Variants in NEK11 observed in about 807,000 individuals in gnomAD.
NEK11 encodes serine/threonine-protein kinase Nek11.
Under a neutral mutation model 80.7 loss-of-function variants are expected in NEK11, and 72 were observed. The ratio of observed to expected loss-of-function variants is 0.89; its 90% CI spans 0.74 to 1.08. The LOEUF is 1.08. NEK11 is among the 50% of genes least tolerant of loss of function. The pLI is 0.00. For missense variants in NEK11, 764 were observed against 763.6 expected (o/e 1.00, Z -0.01); for synonymous variants, 251 against 260.7 (o/e 0.96, Z 0.36).
chr3:131,140,046 C>G (rs767483507), intron 7 of NEK11, among the ~76,000 whole-genome samples: 2 of 152,174 alleles, frequency 1.3e-5, no homozygotes, highest in Admixed American at 1.3e-4. Flanking sequence ...CATAACATAT[C>G]ACTTCTCACA....
intron 15 of NEK11, among the ~76,000 whole-genome samples, chr3:131,231,145 ATGGTGGTATT>A: frequency 6.6e-6 from 1 of 151,892 alleles, no homozygotes; most frequent in South Asian, 2.1e-4. Context: ...TCTCACATAC[ATGGTGGTATT>A]TTGTCTCACA....
intron 5 of NEK11, among the ~76,000 whole-genome samples, chr3:131,115,926 CTTT>C (rs2149400929): frequency 1.9e-5 from 2 of 105,746 alleles, no homozygotes; most frequent in East Asian, 5.4e-4. Flanking sequence ...TTCTTTCTTT[CTTT>C]CTTTCTTTCT....
At chr3:131,046,818 C>T (rs2109873484) in intron 3 of NEK11, among the ~76,000 whole-genome samples, 1 of 152,224 alleles carries the variant, frequency 6.6e-6, no homozygotes, top group East Asian at 1.9e-4. Context: ...CTTTGAGCTT[C>T]TCGTATTTGG....
intron 3 of NEK11, among the ~76,000 whole-genome samples, chr3:131,052,134 G>GTTTTTTTTTT (rs34528776): frequency 5.5e-4 from 70 of 127,144 alleles, no homozygotes; most frequent in Non-Finnish European, 7.8e-4. Context: ...GGTTTTTTTT[G>GTTTTTTTTTT]TTTTTTTTTT....
intron 16 of NEK11, among the ~76,000 whole-genome samples, chr3:131,266,438 T>C (rs949078028): frequency 1.3e-5 from 2 of 152,238 alleles, no homozygotes; most frequent in African/African-American, 4.8e-5. Flanking sequence ...AAAGAACTTA[T>C]TTATTTCCGC....
chr3:131,082,263 T>C lies in NEK11; in HGVS notation c.336+1675T>C, dbSNP rs181521673. On this transcript the variant is annotated intron_variant, in intron 4 of 17. Coordinates refer to ENST00000383366, the MANE Select transcript of NEK11 (RefSeq NM_024800.5). ...ACTTGCATATGCATATGTTGCATAC[T>C]ATGATCCACCTGCTATAATTTGTTC... Among the ~76,000 whole-genome samples the C allele has an allele frequency of 2.6e-4, 40 of 152,356 alleles. No individual in the cohort carries two copies. The East Asian group carries it at 7.1e-3, about 27-fold the overall frequency.
chr3:131,054,061 C>G (rs890293031), intron 3 of NEK11, among the ~76,000 whole-genome samples: 1 of 152,154 alleles, frequency 6.6e-6, no homozygotes, highest in African/African-American at 2.4e-5. Flanking sequence ...TATTAAGAGT[C>G]AACATTTGGC....
intron 3 of NEK11, among the ~76,000 whole-genome samples, chr3:131,068,409 C>T (rs1472528009): frequency 2.6e-5 from 4 of 152,168 alleles, no homozygotes; most frequent in Non-Finnish European, 5.9e-5. Context: ...GACCCTGTGT[C>T]CCTTCTTTGT....
chr3:131,242,413 CA>C, intron 15 of NEK11, among the ~76,000 whole-genome samples: 1 of 152,120 alleles, frequency 6.6e-6, no homozygotes, highest in East Asian at 1.9e-4. Context: ...TGGCATCTAG[CA>C]AGATGCAGTT....
At chr3:131,058,574 G>A (rs953297867) in intron 3 of NEK11, among the ~76,000 whole-genome samples, 4 of 152,080 alleles carry the variant, frequency 2.6e-5, no homozygotes, top group Non-Finnish European at 5.9e-5. Flanking sequence ...TCTAGATACT[G>A]CATGTCATTG....
chr3:131,042,767 G>C (rs895438272), intron 3 of NEK11, among the ~76,000 whole-genome samples: 7 of 152,184 alleles, frequency 4.6e-5, no homozygotes, highest in African/African-American at 1.7e-4. Context: ...TCTGCTAAGG[G>C]ACAGACTGCC....
chr3:131,272,539 G>A (rs117243308), intron 16 of NEK11, among the ~76,000 whole-genome samples: 2,635 of 135,144 alleles, frequency 0.019, 40 homozygotes, highest in East Asian at 0.087. Context: ...GCCGTGGTGC[G>A]ATCTGAGCTC....
chr3:131,097,146 T>A (rs1029438438), intron 4 of NEK11, among the ~76,000 whole-genome samples: 1 of 151,942 alleles, frequency 6.6e-6, no homozygotes, highest in Non-Finnish European at 1.5e-5. Flanking sequence ...GTTGGACATT[T>A]GGGTTGGTTC....
At position 131,166,657 on chromosome 3, in the gene NEK11, C is replaced by G. The variant is rs1228684314; in HGVS notation, c.1176+1138C>G. ...CCCTTTTCCCACCCCTCTGACACAC[C>G]ATTTAAGTGAAGGCCCCCTGTGGGA... On this transcript the variant is annotated intron_variant, in intron 12 of 17. Coordinates refer to ENST00000383366, the MANE Select transcript of NEK11 (RefSeq NM_024800.5). Among the ~76,000 whole-genome samples, 5 of 152,270 alleles carry G rather than the reference C, an allele frequency of 3.3e-5. No homozygotes were observed. The East Asian group carries it at 9.7e-4, about 29-fold the overall frequency.
intron 2 of NEK11, 99 bp downstream of exon 2, chr3:131,028,101 C>G (rs1345019612): frequency 6.6e-6 from 1 of 152,152 alleles, no homozygotes; most frequent in African/African-American, 2.4e-5. Flanking sequence ...ATTTAGAGGC[C>G]TGCTCTGTAG....
intron 17 of NEK11, among the ~76,000 whole-genome samples, chr3:131,301,689 G>T (rs964588610): frequency 6.6e-6 from 1 of 152,072 alleles, no homozygotes; most frequent in Non-Finnish European, 1.5e-5. Flanking sequence ...TTATTGATTT[G>T]TGTATGTTGA....
chr3:131,195,280 C>G (rs763301852), intron 14 of NEK11, among the ~76,000 whole-genome samples: 1 of 152,072 alleles, frequency 6.6e-6, no homozygotes, highest in Non-Finnish European at 1.5e-5. Flanking sequence ...CCCCATGCTA[C>G]TACACTCCAT....
chr3:131,282,588 T>G (rs2096413975), intron 17 of NEK11, among the ~76,000 whole-genome samples: 2 of 152,194 alleles, frequency 1.3e-5, no homozygotes, highest in South Asian at 4.1e-4. Flanking sequence ...ATTTAGAGGC[T>G]GCAGAAGGCA....
chr3:131,278,414 T>G (rs974986512), intron 17 of NEK11, among the ~76,000 whole-genome samples: 30 of 152,154 alleles, frequency 2.0e-4, no homozygotes, highest in African/African-American at 7.0e-4. Context: ...AGATAAATGA[T>G]GAATGGATAG....
Sources: gnomAD v4.1 joint callset for allele counts (sites outside exome capture counted in the v4.1 genomes callset) on GRCh38, gnomAD v4.1.1 for gene constraint, MANE v1.5 for transcripts, NCBI Gene and HGNC (gene_info 2026-07-23, HGNC 2026-07-21) for gene names.